ESR1: variants seen among roughly 807,000 people sequenced by gnomAD.
ESR1 encodes estrogen receptor.
Under a neutral mutation model 52.7 loss-of-function variants are expected in ESR1, and 12 were observed. That is an observed-to-expected ratio of 0.23 (90% CI 0.15 to 0.37). The LOEUF (loss-of-function observed/expected upper bound fraction) is 0.37, where lower values mean the gene tolerates loss of function less well. Ranked by LOEUF, ESR1 falls within the 10% of genes least tolerant of loss-of-function variation. The probability of loss-of-function intolerance (pLI) is 1.00; values close to 1 mark genes in which losing one functional copy is unlikely to be tolerated. For synonymous variants in ESR1, 305 were observed against 316.8 expected (o/e 0.96, Z 0.39); for missense variants, 584 against 779.7 (o/e 0.75, Z 2.99).
intron 5 of ESR1, among the ~76,000 whole-genome samples, chr6:152,058,974 A>G (rs754744718): frequency 5.3e-5 from 8 of 152,056 alleles, no homozygotes; most frequent in Non-Finnish European, 1.0e-4. Flanking sequence ...GTATATGAAT[A>G]TATCAGAAGT....
intron 2 of ESR1, among the ~76,000 whole-genome samples, chr6:151,777,517 C>T (rs1786124046): frequency 6.6e-6 from 1 of 152,072 alleles, no homozygotes; most frequent in South Asian, 2.1e-4. Flanking sequence ...TCACTGGACA[C>T]ATGTGGAGAA....
chr6:151,976,283 T>TAAG lies in ESR1; in HGVS notation c.1096+31777_1096+31779dup, dbSNP rs1453393994. On this transcript the variant is annotated intron_variant, in intron 4 of 7. Coordinates refer to ENST00000206249, the MANE Select transcript of ESR1 (RefSeq NM_000125.4). ...CATCGTGACTTAGCTTGTTTTCACC[T>TAAG]AAGACTCTGAGATTCTATTCTGTTT... Among the ~76,000 whole-genome samples, 12 of 152,350 alleles carry TAAG rather than the reference T, an allele frequency of 7.9e-5. 1 individual carries two copies. In the South Asian group the frequency reaches 2.5e-3, roughly 32 times the overall value.
At chr6:151,882,761 G>GTT (rs35507697) in intron 3 of ESR1, among the ~76,000 whole-genome samples, 89 of 145,540 alleles carry the variant, frequency 6.1e-4, no homozygotes, top group African/African-American at 1.5e-3. Flanking sequence ...AACCGATTCT[G>GTT]TTTTTTTTTT....
intron 4 of ESR1, among the ~76,000 whole-genome samples, chr6:151,947,083 C>T (rs1225308070): frequency 1.3e-5 from 2 of 152,062 alleles, no homozygotes; most frequent in Admixed American, 6.6e-5. Context: ...TTTGGGAGGC[C>T]GAGGCGGGTG....
At chr6:151,772,459 A>G (rs1398873107) in intron 2 of ESR1, among the ~76,000 whole-genome samples, 3 of 152,132 alleles carry the variant, frequency 2.0e-5, no homozygotes, top group Non-Finnish European at 4.4e-5. Flanking sequence ...AAAAGAAGGG[A>G]GTGGTGGCTA....
At chr6:151,964,439 G>A (rs1010174930) in intron 4 of ESR1, among the ~76,000 whole-genome samples, 1 of 151,966 alleles carries the variant, frequency 6.6e-6, no homozygotes, top group African/African-American at 2.4e-5. Flanking sequence ...TATTGTAAAT[G>A]GAATTGTTTT....
At chr6:151,817,568 A>G (rs1043174434) in intron 1 of ESR1, among the ~76,000 whole-genome samples, 8 of 152,162 alleles carry the variant, frequency 5.3e-5, no homozygotes, top group South Asian at 2.1e-4. Context: ...TTTCAATTCT[A>G]CTCCTCAGCT....
chr6:152,029,667 G>A (rs2044497070), intron 5 of ESR1, among the ~76,000 whole-genome samples: 1 of 152,206 alleles, frequency 6.6e-6, no homozygotes, highest in Non-Finnish European at 1.5e-5. Flanking sequence ...ACGTCTGATT[G>A]GTGTACCTGA....
chr6:151,762,015 C>T (rs1784695006), intron 2 of ESR1, among the ~76,000 whole-genome samples: 1 of 152,190 alleles, frequency 6.6e-6, no homozygotes, highest in Admixed American at 6.5e-5. Context: ...CTTGAGTGCA[C>T]ATCAGAACCC....
At chr6:151,925,136 G>GTTTT (rs2032478043) in intron 3 of ESR1, among the ~76,000 whole-genome samples, 5 of 151,616 alleles carry the variant, frequency 3.3e-5, no homozygotes, top group Non-Finnish European at 2.9e-5. Context: ...TTTTTTGTTT[G>GTTTT]TTTGTTTGTT....
chr6:151,966,580 C>T (rs2038295792), intron 4 of ESR1, among the ~76,000 whole-genome samples: 1 of 151,642 alleles, frequency 6.6e-6, no homozygotes, highest in South Asian at 2.1e-4. Flanking sequence ...CTTTTTCTAC[C>T]ATGTTTAGAA....
At chr6:152,086,864 C>T (rs2049766777) in intron 6 of ESR1, among the ~76,000 whole-genome samples, 1 of 152,090 alleles carries the variant, frequency 6.6e-6, no homozygotes, top group African/African-American at 2.4e-5. Flanking sequence ...TACACATTTG[C>T]TCAAGGATTG....
At chr6:151,753,971 G>A (rs754738770) in intron 2 of ESR1, among the ~76,000 whole-genome samples, 1 of 152,106 alleles carries the variant, frequency 6.6e-6, no homozygotes, top group Non-Finnish European at 1.5e-5. Context: ...AGATAAAATC[G>A]ACTATGATGA....
intron 4 of ESR1, among the ~76,000 whole-genome samples, chr6:151,963,795 A>G (rs2037942125): frequency 6.6e-6 from 1 of 152,162 alleles, no homozygotes; most frequent in African/African-American, 2.4e-5. Context: ...TTCTTCTGGT[A>G]TTTATATAGT....
intron 4 of ESR1, among the ~76,000 whole-genome samples, chr6:151,997,698 CTG>C (rs1374841595): frequency 6.6e-6 from 1 of 152,142 alleles, no homozygotes. Context: ...TTGACATTGA[CTG>C]TGTTTTTAAC....
intron 2 of ESR1, among the ~76,000 whole-genome samples, chr6:151,768,418 C>A (rs1260008560): frequency 1.3e-5 from 2 of 152,112 alleles, no homozygotes; most frequent in South Asian, 2.1e-4. Context: ...CAGTTCCAGA[C>A]CAAAGGAGGC....
intron 5 of ESR1, among the ~76,000 whole-genome samples, chr6:152,040,420 T>C (rs1487173099): frequency 1.3e-5 from 2 of 152,206 alleles, no homozygotes; most frequent in African/African-American, 2.4e-5. Flanking sequence ...TCACATGAGA[T>C]ACAAATATCT....
chr6:151,921,279 G>T (rs187293845), intron 3 of ESR1, among the ~76,000 whole-genome samples: 49 of 152,152 alleles, frequency 3.2e-4, no homozygotes, highest in South Asian at 4.2e-4. Flanking sequence ...CCTTTTTATG[G>T]CTGCATAGTA....
intron 4 of ESR1, among the ~76,000 whole-genome samples, chr6:152,009,825 C>T (rs925312852): frequency 6.6e-6 from 1 of 152,050 alleles, no homozygotes. Context: ...AAACTAGAAA[C>T]AACCCAAATG....
Sources: allele counts gnomAD v4.1 joint callset (sites outside exome capture counted in the v4.1 genomes callset), GRCh38; gene constraint gnomAD v4.1.1; transcripts MANE v1.5; gene names NCBI Gene and HGNC (gene_info 2026-07-23, HGNC 2026-07-21).